Variants in COL4A6 observed in about 807,000 individuals in gnomAD.
COL4A6 encodes the protein collagen type IV alpha 6 chain.
In COL4A6, 59 loss-of-function variants were observed where a neutral mutation model predicts 126.7. The observed-to-expected ratio is 0.47, with a 90% CI of 0.38 to 0.58. COL4A6 has a LOEUF of 0.58. Ranked by LOEUF, COL4A6 falls within the 20% of genes least tolerant of loss-of-function variation. The pLI, the probability that COL4A6 is intolerant of heterozygous loss-of-function variation, is 0.00. For synonymous variants in COL4A6, 547 were observed against 496.6 expected, an observed-to-expected ratio of 1.10 and a Z score of -1.35; for missense variants, 1,285 against 1,337.3, an observed-to-expected ratio of 0.96 and a Z score of 0.61.
At chrX:108,209,481 C>CA (rs931596202) in intron 8 of COL4A6, among the ~76,000 whole-genome samples, 3 of 108,797 alleles carry the variant, frequency 2.8e-5, no homozygotes, top group African/African-American at 3.3e-5. Flanking sequence ...TAAGCTGTTT[C>CA]AAAAAAAAAG....
At chrX:108,170,762 A>G in intron 34 of COL4A6, 46 bp from the exon 35 acceptor site, 1 of 1,201,986 alleles carries the variant, frequency 8.3e-7, no homozygotes, top group Non-Finnish European at 1.1e-6. Context: ...GCATGGCTTG[A>G]AGCTAATCCA....
At chrX:108,206,277 C>A (rs988097842) in intron 9 of COL4A6, 5 of 493,103 alleles carry the variant, frequency 1.0e-5, no homozygotes, top group Non-Finnish European at 1.8e-5. Flanking sequence ...CTGGGCTATA[C>A]TTTAGGTTGA....
chrX:108,285,404 G>A (rs1401824337), intron 3 of COL4A6, among the ~76,000 whole-genome samples: 3 of 112,242 alleles, frequency 2.7e-5, no homozygotes, highest in Non-Finnish European at 3.8e-5. Context: ...TAGTTGTGAT[G>A]CTAATCATAG....
chrX:108,372,180 T>A (rs1274814974), intron 2 of COL4A6, among the ~76,000 whole-genome samples: 1 of 111,250 alleles, frequency 9.0e-6, no homozygotes, highest in African/African-American at 3.3e-5. Flanking sequence ...GCCCCTCTTT[T>A]CAATGGGGCA....
intron 3 of COL4A6, among the ~76,000 whole-genome samples, chrX:108,223,220 G>A (rs188245090): frequency 5.7e-4 from 63 of 110,924 alleles, no homozygotes; most frequent in Admixed American, 4.4e-3. Flanking sequence ...TCACACATGC[G>A]GGCCTGTTGA....
chrX:108,292,993 C>CAAAAAAAAAAAAAAAAA (rs149076547), intron 3 of COL4A6, among the ~76,000 whole-genome samples: 3 of 14,555 alleles, frequency 2.1e-4, no homozygotes, highest in Non-Finnish European at 3.6e-4. Flanking sequence ...AGGAAAAAAG[C>CAAAAAAAAAAAAAAAAA]AAAAAAAAAA....
At chrX:108,283,530 G>C (rs975261770) in intron 3 of COL4A6, among the ~76,000 whole-genome samples, 7 of 111,073 alleles carry the variant, frequency 6.3e-5, no homozygotes, top group Non-Finnish European at 1.3e-4. Flanking sequence ...TAGAGCATCT[G>C]TACCTTAAGA....
rs1005273246 is a variant in COL4A6 at position 108,211,557 on chromosome X, C to T, written c.510+115G>A. On this transcript the variant is annotated intron_variant, in intron 7 of 44. Transcript: ENST00000334504. ...ATTCTTTTGAATCCAGCTTGGTCTG[C>T]TCCTTAAATAGAGACACAGATGCTA... The T allele has an allele frequency of 1.8e-5, 12 of 649,055 alleles. No homozygotes were observed. The African/African-American group carries it at 2.0e-4, about 11-fold the overall frequency. 53.5% of individuals were successfully genotyped at this position (649,055 alleles called of 1,213,427 possible). A position where few individuals can be genotyped will look rare whatever the true frequency, so the allele number is the denominator to read the frequency against.
At chrX:108,390,126 G>A (rs903292733) in intron 2 of COL4A6, among the ~76,000 whole-genome samples, 6 of 111,558 alleles carry the variant, frequency 5.4e-5, no homozygotes, top group Non-Finnish European at 1.1e-4. Context: ...TTCCCTTTGT[G>A]GATAACCCAA....
intron 2 of COL4A6, among the ~76,000 whole-genome samples, chrX:108,327,832 TA>T (rs1297239845): frequency 1.8e-5 from 2 of 108,950 alleles, no homozygotes; most frequent in Non-Finnish European, 3.8e-5. Flanking sequence ...GTAACACTGT[TA>T]AAAAAAAACA....
At chrX:108,388,797 A>G (rs1183938898) in intron 2 of COL4A6, among the ~76,000 whole-genome samples, 1 of 110,836 alleles carries the variant, frequency 9.0e-6, no homozygotes, top group Non-Finnish European at 1.9e-5. Flanking sequence ...AGTTCTTTTA[A>G]TTGTGATGTT....
chrX:108,412,695 T>A (rs1008263848), intron 2 of COL4A6, among the ~76,000 whole-genome samples: 2 of 112,174 alleles, frequency 1.8e-5, no homozygotes, highest in Non-Finnish European at 3.8e-5. Flanking sequence ...AAAGGGAGCC[T>A]AGTTAACATG....
At chrX:108,263,226 T>C (rs1298835637) in intron 3 of COL4A6, among the ~76,000 whole-genome samples, 4 of 111,816 alleles carry the variant, frequency 3.6e-5, no homozygotes, top group African/African-American at 6.5e-5. Flanking sequence ...ATGAGATTCC[T>C]GTGCTCCACT....
chrX:108,258,275 G>A (rs2147707389), intron 3 of COL4A6, among the ~76,000 whole-genome samples: 1 of 111,935 alleles, frequency 8.9e-6, no homozygotes, highest in South Asian at 3.7e-4. Context: ...TGGTGGAGAG[G>A]ACACTCACAC....
chrX:108,382,386 A>C (rs922027489), intron 2 of COL4A6, among the ~76,000 whole-genome samples: 2 of 111,748 alleles, frequency 1.8e-5, no homozygotes, highest in African/African-American at 6.5e-5. Flanking sequence ...CCTGGCACAT[A>C]ATAAGTACTT....
chrX:108,384,103 C>T, intron 2 of COL4A6: 1 of 299,688 alleles, frequency 3.3e-6, no homozygotes, highest in East Asian at 6.4e-5. Flanking sequence ...ATCCATTCAT[C>T]TACCCATTTA....
intron 3 of COL4A6, among the ~76,000 whole-genome samples, chrX:108,276,709 C>A (rs750558661): frequency 1.8e-5 from 2 of 111,691 alleles, no homozygotes; most frequent in South Asian, 3.8e-4. Flanking sequence ...AAGGCAACTT[C>A]TTCCTGCTCC....
intron 3 of COL4A6, among the ~76,000 whole-genome samples, chrX:108,281,094 A>G (rs1205348746): frequency 4.1e-5 from 4 of 98,155 alleles, no homozygotes; most frequent in Admixed American, 1.1e-4. Flanking sequence ...CAAGACAGGG[A>G]TGCCCTCTCT....
chrX:108,368,434 T>C (rs2040253386), intron 2 of COL4A6, among the ~76,000 whole-genome samples: 1 of 110,771 alleles, frequency 9.0e-6, no homozygotes, highest in Admixed American at 9.7e-5. Flanking sequence ...GGTAAGTGAG[T>C]GGTGAGTGAA....
Sources: gnomAD v4.1 joint callset for allele counts (sites outside exome capture counted in the v4.1 genomes callset) on GRCh38, gnomAD v4.1.1 for gene constraint, MANE v1.5 for transcripts, NCBI Gene and HGNC (gene_info 2026-07-23, HGNC 2026-07-21) for gene names.